APPL2: variants seen among roughly 807,000 people sequenced by gnomAD.
APPL2 encodes DCC-interacting protein 13-beta.
APPL2 carries 84 observed loss-of-function variants against 92.7 expected under a neutral mutation model. The observed-to-expected ratio is 0.91, with a 90% CI of 0.76 to 1.09. APPL2 has a LOEUF of 1.09. Among genes scored for constraint, APPL2 ranks in the 50% least tolerant of loss-of-function variants. The pLI, the probability that APPL2 is intolerant of heterozygous loss-of-function variation, is 0.00. For synonymous variants in APPL2, 291 were observed against 291.0 expected (o/e 1.00, Z 0.00); for missense variants, 736 against 824.5 (o/e 0.89, Z 1.31).
intron 1 of APPL2, chr12:105,229,772 T>TTTTC (rs199673315): frequency 1.0e-6 from 1 of 986,882 alleles, no homozygotes; most frequent in Non-Finnish European, 1.2e-6. Flanking sequence ...CCTTGTTTCT[T>TTTTC]TTTCTTTCTT....
chr12:105,220,167 C>T (rs1889993223), intron 2 of APPL2, among the ~76,000 whole-genome samples: 1 of 152,192 alleles, frequency 6.6e-6, no homozygotes, highest in African/African-American at 2.4e-5. Context: ...ATCCACACTC[C>T]TAAATGCTAC....
intron 5 of APPL2, among the ~76,000 whole-genome samples, chr12:105,209,690 G>C (rs1168323659): frequency 6.6e-6 from 1 of 152,176 alleles, no homozygotes; most frequent in African/African-American, 2.4e-5. Flanking sequence ...ATTCAGTGAG[G>C]ACACAATCAT....
intron 7 of APPL2, among the ~76,000 whole-genome samples, chr12:105,207,570 A>G (rs979214070): frequency 1.3e-5 from 2 of 152,234 alleles, no homozygotes; most frequent in Non-Finnish European, 2.9e-5. Flanking sequence ...AAATCATGTA[A>G]CAGAAGTAAA....
intron 9 of APPL2, among the ~76,000 whole-genome samples, chr12:105,202,867 T>C (rs943823789): frequency 6.6e-6 from 1 of 152,264 alleles, no homozygotes; most frequent in African/African-American, 2.4e-5. Flanking sequence ...TCAGATAGAC[T>C]TCTACCTAGA....
chr12:105,193,758 T>C lies in APPL2; in HGVS notation c.1241+1503A>G, dbSNP rs950041289. 3.3e-5 allele frequency among the ~76,000 whole-genome samples: 5 copies of C among 152,342 alleles called. No homozygotes were observed. The South Asian group carries it at 6.2e-4, about 19-fold the overall frequency. ...ATTTGTTTACGTTCTCATGTTCTGC[T>C]TCACAGCTACTACTACATCAACATC... On this transcript the variant is annotated intron_variant, in intron 14 of 20. Coordinates refer to ENST00000258530, the MANE Select transcript of APPL2 (RefSeq NM_018171.5).
At chr12:105,183,049 A>G (rs1029509406) in intron 17 of APPL2, among the ~76,000 whole-genome samples, 3 of 148,700 alleles carry the variant, frequency 2.0e-5, no homozygotes, top group African/African-American at 7.4e-5. Flanking sequence ...GTTTTATCAG[A>G]GACTAGGATT....
intron 5 of APPL2, among the ~76,000 whole-genome samples, chr12:105,209,544 A>C (rs1889037305): frequency 6.6e-6 from 1 of 152,140 alleles, no homozygotes; most frequent in South Asian, 2.1e-4. Context: ...GAAAGACATA[A>C]ATCTGACAAC....
intron 2 of APPL2, among the ~76,000 whole-genome samples, chr12:105,227,162 T>A (rs1392386674): frequency 6.6e-6 from 1 of 152,084 alleles, no homozygotes; most frequent in Non-Finnish European, 1.5e-5. Context: ...GTCCTTTTTT[T>A]AATATTTACA....
intron 17 of APPL2, among the ~76,000 whole-genome samples, chr12:105,186,660 T>TCG (rs1566056310): frequency 4.3e-4 from 40 of 92,656 alleles, no homozygotes; most frequent in Admixed American, 5.6e-4. Context: ...CGATATCATA[T>TCG]ATATCATATA....
At chr12:105,177,980 G>A (rs1885716261) in intron 17 of APPL2, among the ~76,000 whole-genome samples, 1 of 152,078 alleles carries the variant, frequency 6.6e-6, no homozygotes, top group East Asian at 1.9e-4. Flanking sequence ...TAGTAGAAGT[G>A]GGGTTTCACC....
At chr12:105,202,191 A>G (rs1319530095) in intron 9 of APPL2, among the ~76,000 whole-genome samples, 2 of 152,246 alleles carry the variant, frequency 1.3e-5, no homozygotes, top group Admixed American at 6.5e-5. Flanking sequence ...AACTAAATAC[A>G]GCTTGTCAGA....
intron 14 of APPL2, among the ~76,000 whole-genome samples, chr12:105,193,563 C>A (rs549119992): frequency 2.6e-5 from 4 of 152,378 alleles, no homozygotes; most frequent in African/African-American, 9.6e-5. Context: ...GAGAAGGCTA[C>A]GGGATTAACC....
intron 8 of APPL2, 83 bp from the exon 9 acceptor site, chr12:105,203,868 G>A (rs1045070846): frequency 7.9e-6 from 10 of 1,260,624 alleles, no homozygotes; most frequent in Non-Finnish European, 1.1e-5. Flanking sequence ...GGCAGCGTGA[G>A]GGCAGCCATC....
At chr12:105,217,020 G>A in intron 4 of APPL2, 49 bp downstream of exon 4, 1 of 1,369,742 alleles carries the variant, frequency 7.3e-7, no homozygotes, top group Non-Finnish European at 1.0e-6. Flanking sequence ...AACAACAAAA[G>A]AAAGTTCGAG....
Position 105,233,685 on chromosome 12 carries a change from G to A in APPL2, c.54+2274C>T, listed in dbSNP as rs139059521. Among the ~76,000 whole-genome samples the A allele has an allele frequency of 2.0e-5, 3 of 152,314 alleles. No individual in the cohort carries two copies. In the East Asian group the frequency reaches 5.8e-4, roughly 29 times the overall value. On this transcript the variant is annotated intron_variant, in intron 1 of 20. Coordinates refer to ENST00000258530, the MANE Select transcript of APPL2 (RefSeq NM_018171.5). The stretch of plus-strand genomic sequence containing the variant: ...GAAAAGCCCGGTGCTAGATAGCTGG[G>A]CTAACTTGAACCATATCCCTAGTAC...
At position 105,210,182 on chromosome 12, in the gene APPL2, G is replaced by C. The variant is rs181531119; in HGVS notation, c.373+1048C>G. Among the ~76,000 whole-genome samples, 872 of 152,042 alleles carry C rather than the reference G, an allele frequency of 5.7e-3. 18 individuals carry two copies. The highest frequency in any genetic ancestry group is 0.02 in the African/African-American group (823 of 41,440). Reference sequence around the variant, plus strand: ...TCGCCGTGTTAGCCAGGATGGTCTCGATCTCCTGACCTAGTGATCCGCCCG... The same window carrying C: ...TCGCCGTGTTAGCCAGGATGGTCTCCATCTCCTGACCTAGTGATCCGCCCG... On this transcript the variant is annotated intron_variant, in intron 5 of 20. Transcript: ENST00000258530.
At chr12:105,208,805 A>G (rs1160815125) in intron 5 of APPL2, among the ~76,000 whole-genome samples, 1 of 152,220 alleles carries the variant, frequency 6.6e-6, no homozygotes, top group Non-Finnish European at 1.5e-5. Context: ...CAAAAATCCA[A>G]AAAGATCATT....
In APPL2 at chr12:105,234,267, T is replaced by C. The variant is rs182426765; in HGVS notation, c.54+1692A>G. Among the ~76,000 whole-genome samples the C allele has an allele frequency of 5.0e-4, 76 of 152,350 alleles. 1 individual carries two copies. Among genetic ancestry groups the C allele is most frequent in the African/African-American group, 1.7e-3 (69 of 41,572 alleles). ...ATGACAATGTTAACTCTAAAGCACC[T>C]TGAAGATCACCTGCTCCCTCCCTGT... On this transcript the variant is annotated intron_variant, in intron 1 of 20. Coordinates refer to ENST00000258530, the MANE Select transcript of APPL2 (RefSeq NM_018171.5).
chr12:105,176,085 G>A lies in APPL2; in HGVS notation c.1813-3C>T, dbSNP rs1191534850. Reference sequence around the variant, plus strand: ...CCCAAATTAATAGCATAACATATCTGCAAAAGACAAGAAAAGTAGTGATTG... The same window carrying A: ...CCCAAATTAATAGCATAACATATCTACAAAAGACAAGAAAAGTAGTGATTG... On this transcript the variant is annotated splice_region_variant and splice_polypyrimidine_tract_variant and intron_variant, in intron 19 of 20. Transcript: ENST00000258530. The A allele has an allele frequency of 1.3e-6, 2 of 1,589,564 alleles. No individual in the cohort carries two copies. Among genetic ancestry groups the A allele is most frequent in the Non-Finnish European group, 1.7e-6 (2 of 1,171,510 alleles).
Sources: gnomAD v4.1 joint callset for allele counts (sites outside exome capture counted in the v4.1 genomes callset) on GRCh38, gnomAD v4.1.1 for gene constraint, MANE v1.5 for transcripts, NCBI Gene and HGNC (gene_info 2026-07-23, HGNC 2026-07-21) for gene names.